Variants in IL12RB1 observed in about 807,000 individuals in gnomAD.
IL12RB1 encodes the protein interleukin 12 receptor subunit beta 1.
IL12RB1 carries 64 observed loss-of-function variants against 94.4 expected under a neutral mutation model. The ratio of observed to expected loss-of-function variants is 0.68; its 90% CI spans 0.55 to 0.83. The LOEUF is 0.83. IL12RB1 is among the 40% of genes least tolerant of loss of function. The pLI, the probability that IL12RB1 is intolerant of heterozygous loss-of-function variation, is 0.00. For missense variants in IL12RB1, 814 were observed against 855.6 expected, an observed-to-expected ratio of 0.95 and a Z score of 0.61; for synonymous variants, 362 against 355.5, an observed-to-expected ratio of 1.02 and a Z score of -0.21.
At chr19:18,073,438 C>G in intron 8 of IL12RB1, 79 bp downstream of exon 8, 1 of 871,932 alleles carries the variant, frequency 1.1e-6, no homozygotes, top group Middle Eastern at 2.2e-4. Flanking sequence ...CCATCTACCA[C>G]TTGCTCATCC....
intron 1 of IL12RB1, among the ~76,000 whole-genome samples, chr19:18,098,401 G>A (rs1469173429): frequency 6.6e-6 from 1 of 152,102 alleles, no homozygotes; most frequent in Non-Finnish European, 1.5e-5. Flanking sequence ...CTCTCTTACG[G>A]CACAAGGCGC....
chr19:18,060,169 G>A, intron 15 of IL12RB1, 84 bp from the exon 16 acceptor site: 3 of 722,118 alleles, frequency 4.2e-6, no homozygotes, highest in Non-Finnish European at 7.2e-6. Flanking sequence ...GGTCACTGCT[G>A]GTTAAATTCT....
intron 1 of IL12RB1, among the ~76,000 whole-genome samples, chr19:18,095,400 G>A (rs75591643): frequency 0.024 from 3,603 of 152,282 alleles, 60 homozygotes; most frequent in Non-Finnish European, 0.031. Flanking sequence ...CATCTTGAAA[G>A]CATGATGCTG....
At chr19:18,071,016 C>A (rs1054181514) in intron 9 of IL12RB1, 6 of 195,048 alleles carry the variant, frequency 3.1e-5, no homozygotes, top group Non-Finnish European at 6.4e-5. Flanking sequence ...GTGGGTGGAT[C>A]ACCTGAGGGC....
chr19:18,064,361 G>C (rs1448161387), intron 12 of IL12RB1, among the ~76,000 whole-genome samples: 1 of 151,500 alleles, frequency 6.6e-6, no homozygotes, highest in African/African-American at 2.4e-5. Context: ...GGATGGTCTC[G>C]ATCTCCTGAC....
At chr19:18,093,525 TC>T (rs1003024104) in intron 1 of IL12RB1, among the ~76,000 whole-genome samples, 1 of 152,016 alleles carries the variant, frequency 6.6e-6, no homozygotes, top group African/African-American at 2.4e-5. Flanking sequence ...TTGAGACCTC[TC>T]TGGTGGCTCT....
chr19:18,059,393 G>T lies in IL12RB1; in HGVS notation c.*215C>A. The stretch of plus-strand genomic sequence containing the variant: ...CAGGTAAATGGCAGGGTCTGCTCCT[G>T]CCCCACGGATGCCAGGCCCAGCAGG... On this transcript the variant is annotated 3_prime_UTR_variant, in exon 17 of 17. Coordinates refer to ENST00000593993, the MANE Select transcript of IL12RB1 (RefSeq NM_005535.3). 1 of 626,602 alleles carries T rather than the reference G, an allele frequency of 1.6e-6. No individual in the cohort carries two copies. The highest frequency in any genetic ancestry group is 2.9e-6 in the Non-Finnish European group (1 of 347,502). 38.8% of individuals were successfully genotyped at this position (626,602 alleles called of 1,614,324 possible).
chr19:18,086,072 A>G (rs2036313506), intron 1 of IL12RB1, among the ~76,000 whole-genome samples: 2 of 151,874 alleles, frequency 1.3e-5, no homozygotes, highest in Admixed American at 1.3e-4. Context: ...ACACCAAAAA[A>G]ATTAACCAGG....
intron 9 of IL12RB1, among the ~76,000 whole-genome samples, chr19:18,070,350 G>A (rs936332426): frequency 6.6e-6 from 1 of 152,232 alleles, no homozygotes; most frequent in Non-Finnish European, 1.5e-5. Context: ...CTCCGGCTGT[G>A]GCAGATACCT....
chr19:18,065,688 G>T (rs1224722603), intron 12 of IL12RB1, among the ~76,000 whole-genome samples: 1 of 152,006 alleles, frequency 6.6e-6, no homozygotes, highest in Non-Finnish European at 1.5e-5. Flanking sequence ...GCATGGTGGT[G>T]GGTGCCTGTA....
intron 10 of IL12RB1, among the ~76,000 whole-genome samples, chr19:18,069,240 C>A (rs17883713): frequency 6.6e-6 from 1 of 152,214 alleles, no homozygotes; most frequent in East Asian, 1.9e-4. Flanking sequence ...CAGCATCTCG[C>A]GAACTGCCAC....
chr19:18,082,864 C>G (rs1376587788), intron 2 of IL12RB1, among the ~76,000 whole-genome samples: 1 of 152,134 alleles, frequency 6.6e-6, no homozygotes, highest in Non-Finnish European at 1.5e-5. Context: ...CTCACCATCA[C>G]CTGAGCTCAG....
chr19:18,084,672 T>G (rs1055953577), intron 1 of IL12RB1, among the ~76,000 whole-genome samples: 4 of 151,806 alleles, frequency 2.6e-5, no homozygotes, highest in South Asian at 2.1e-4. Flanking sequence ...CATCCATCCA[T>G]CCATCCATCC....
At position 18,075,737 on chromosome 19, in the gene IL12RB1, G is replaced by C; in HGVS notation, c.700+12C>G. The C allele has an allele frequency of 1.9e-6, 3 of 1,610,400 alleles. No homozygotes were observed. The highest frequency in any genetic ancestry group is 2.5e-6 in the Non-Finnish European group (3 of 1,176,782). On this transcript the variant is annotated intron_variant, in intron 7 of 16. Coordinates refer to ENST00000593993, the MANE Select transcript of IL12RB1 (RefSeq NM_005535.3). ...ATGCTTGCCCCTGTTCCTGTACTCA[G>C]AGTGATCTTACCAGGGGGAACGCAC... is the stretch of plus-strand genomic sequence containing the variant.
intron 1 of IL12RB1, among the ~76,000 whole-genome samples, chr19:18,093,655 C>T (rs546855227): frequency 3.3e-5 from 5 of 152,242 alleles, no homozygotes; most frequent in Admixed American, 2.6e-4. Context: ...CACATGTACA[C>T]CTTGAACCAA....
At chr19:18,081,256 C>T (rs1320301322) in intron 3 of IL12RB1, among the ~76,000 whole-genome samples, 4 of 152,042 alleles carry the variant, frequency 2.6e-5, no homozygotes, top group African/African-American at 7.2e-5. Context: ...CCACCACATG[C>T]GTCTAAGTTT....
chr19:18,096,364 G>A (rs1268912834), intron 1 of IL12RB1, among the ~76,000 whole-genome samples: 1 of 151,742 alleles, frequency 6.6e-6, no homozygotes, highest in South Asian at 2.1e-4. Flanking sequence ...GAGAGATGGT[G>A]TTTATGAGAC....
In IL12RB1 at chr19:18,069,640, C is replaced by T. The variant is rs1439858039; in HGVS notation, c.1095G>A (p.Met365Ile). 1 of 1,613,520 alleles carries T rather than the reference C, an allele frequency of 6.2e-7. No individual in the cohort carries two copies. Among genetic ancestry groups the T allele is most frequent in the Non-Finnish European group, 8.5e-7 (1 of 1,179,730 alleles). Residue 365 changes from methionine to isoleucine, a missense_variant, in exon 10 of 17, where the codon ATG (methionine) becomes ATA (isoleucine). Coordinates refer to ENST00000593993, the MANE Select transcript of IL12RB1 (RefSeq NM_005535.3). ...TMYWPARAQS[M>I]TYCIEWQPVG... ...CAGGCTGCCATTCAATGCAATACGTCATGCTCTGAGCCCGGGCTGGCCAAT... is the reference window on the plus strand; with the variant it reads ...CAGGCTGCCATTCAATGCAATACGTTATGCTCTGAGCCCGGGCTGGCCAAT...
intron 4 of IL12RB1, among the ~76,000 whole-genome samples, chr19:18,080,114 G>A (rs995177316): frequency 1.3e-5 from 2 of 150,652 alleles, no homozygotes; most frequent in Non-Finnish European, 3.0e-5. Flanking sequence ...GGAATGCAGT[G>A]ACTTGATCTT....
Sources: gnomAD v4.1 joint callset for allele counts (sites outside exome capture counted in the v4.1 genomes callset) on GRCh38, gnomAD v4.1.1 for gene constraint, MANE v1.5 for transcripts, NCBI Gene and HGNC (gene_info 2026-07-23, HGNC 2026-07-21) for gene names.